TTYH1: variants seen among roughly 807,000 people sequenced by gnomAD.
The protein encoded by TTYH1 is protein tweety homolog 1.
Under a neutral mutation model 61.2 loss-of-function variants are expected in TTYH1, and 33 were observed. The observed-to-expected ratio is 0.54, with a 90% CI of 0.41 to 0.72. The LOEUF (loss-of-function observed/expected upper bound fraction) is 0.72, where lower values mean the gene tolerates loss of function less well. TTYH1 is among the 30% of genes least tolerant of loss of function. The probability of loss-of-function intolerance (pLI) is 0.00; values close to 1 mark genes in which losing one functional copy is unlikely to be tolerated. For missense variants in TTYH1, 538 were observed against 575.8 expected, an observed-to-expected ratio of 0.93 and a Z score of 0.67; for synonymous variants, 308 against 266.4, an observed-to-expected ratio of 1.16 and a Z score of -1.52.
At chr19:54,417,686 T>C (rs1351850960) in intron 1 of TTYH1, among the ~76,000 whole-genome samples, 1 of 150,806 alleles carries the variant, frequency 6.6e-6, no homozygotes, top group African/African-American at 2.4e-5. Context: ...TATACTCCCA[T>C]ACACACACAC....
chr19:54,431,048 ATGGGCGGGCC>A lies in TTYH1; in HGVS notation c.1033-48_1033-39del, dbSNP rs771760175. 3 of 1,499,708 alleles carry A rather than the reference ATGGGCGGGCC, an allele frequency of 2.0e-6. No individual in the cohort carries two copies. The African/African-American group carries it at 4.6e-5, about 23-fold the overall frequency. 92.9% of individuals were successfully genotyped at this position (1,499,708 alleles called of 1,614,324 possible). ...GGGGACGCAGGGCGGGGCCAGGGCGATGGGCGGGCCTGAAGAGTTCGTGGGAAAACGACCC... is the reference window on the plus strand; with the variant it reads ...GGGGACGCAGGGCGGGGCCAGGGCGATGAAGAGTTCGTGGGAAAACGACCC... On this transcript the variant is annotated intron_variant, in intron 9 of 13. Transcript: ENST00000376530.
chr19:54,423,928 C>T (rs936774715), intron 4 of TTYH1, among the ~76,000 whole-genome samples: 4 of 152,116 alleles, frequency 2.6e-5, no homozygotes, highest in Non-Finnish European at 5.9e-5. Context: ...TTTGGGAAGC[C>T]GAGGCAGGCG....
At position 54,436,398 on chromosome 19, in the gene TTYH1, T is replaced by C. The variant is rs373712429; in HGVS notation, c.*108T>C. 32 of 1,613,200 alleles carry C rather than the reference T, an allele frequency of 2.0e-5. No individual in the cohort carries two copies. Among genetic ancestry groups the C allele is most frequent in the Non-Finnish European group, 1.4e-5 (16 of 1,179,456 alleles). Reference sequence around the variant, plus strand: ...CTGCCTGGGCTCTGACCACTAACACTCTTGGCCATGGACAGCCTGCACAGG... The same window carrying C: ...CTGCCTGGGCTCTGACCACTAACACCCTTGGCCATGGACAGCCTGCACAGG... On this transcript the variant is annotated 3_prime_UTR_variant, in exon 14 of 14. Transcript: ENST00000376530. The surrounding 1 kb of genome is among the most constrained non-coding windows in gnomAD (Gnocchi z 4.3).
rs1447745856 is a variant in TTYH1, at chr19:54,415,545, C to T, written c.-8C>T. ...GCGTCCGCCCCGCTGCCCCCTCCCC[C>T]GGGGGCCATGGGGGCGCCCCCGGGC... is the stretch of plus-strand genomic sequence containing the variant. On this transcript the variant is annotated 5_prime_UTR_variant, in exon 1 of 14. Coordinates refer to ENST00000376530, the MANE Select transcript of TTYH1 (RefSeq NM_020659.4). The surrounding 1 kb of genome is among the most constrained non-coding windows in gnomAD (Gnocchi z 5.2). 8 of 1,462,106 alleles carry T rather than the reference C, an allele frequency of 5.5e-6. No individual in the cohort carries two copies. The highest frequency in any genetic ancestry group is 4.4e-5 in the African/African-American group (3 of 68,050). 90.6% of individuals were successfully genotyped at this position (1,462,106 alleles called of 1,614,324 possible). A position where few individuals can be genotyped will look rare whatever the true frequency, so the allele number is the denominator to read the frequency against.
chr19:54,417,518 T>G lies in TTYH1; in HGVS notation c.127-1610T>G, dbSNP rs1241442989. Among the ~76,000 whole-genome samples, 65 of 151,404 alleles carry G rather than the reference T, an allele frequency of 4.3e-4. 1 individual carries two copies. Among genetic ancestry groups the G allele is most frequent in the Admixed American group, 4.3e-3 (65 of 15,192 alleles). ...CATACACTCACATGGATATACCCAC[T>G]TACACATACACAATCACACATATGC... On this transcript the variant is annotated intron_variant, in intron 1 of 13. Transcript: ENST00000376530.
intron 1 of TTYH1, among the ~76,000 whole-genome samples, chr19:54,417,105 C>T (rs971210810): frequency 6.6e-6 from 1 of 152,108 alleles, no homozygotes; most frequent in Non-Finnish European, 1.5e-5. Context: ...CCGGGGGAGG[C>T]ACACAGCCAC....
Position 54,431,012 on chromosome 19 carries a change from G to A in TTYH1, c.1033-87G>A, listed in dbSNP as rs1883854544. On this transcript the variant is annotated intron_variant, in intron 9 of 13. Transcript: ENST00000376530. The stretch of plus-strand genomic sequence containing the variant: ...GGGCTGCAGAGCTAGGCGGGGCCTT[G>A]GGTTGTGGGCGGGGACGCAGGGCGG... The A allele has an allele frequency of 7.8e-6, 12 of 1,531,738 alleles. No individual in the cohort carries two copies. In the East Asian group the frequency reaches 2.3e-4, roughly 29 times the overall value. The allele number at this position is 1,531,738 out of a possible 1,614,324, so 94.9% of individuals were successfully genotyped here.
chr19:54,423,995 T>C (rs2083272130), intron 4 of TTYH1, among the ~76,000 whole-genome samples: 1 of 151,976 alleles, frequency 6.6e-6, no homozygotes, highest in African/African-American at 2.4e-5. Flanking sequence ...ATCCCGTCGC[T>C]ACTAAAAATA....
intron 10 of TTYH1, chr19:54,433,271 G>A (rs749499626): frequency 3.9e-5 from 6 of 152,244 alleles, no homozygotes; most frequent in Admixed American, 6.5e-5. Context: ...AAGAATAAGC[G>A]GCGGGGCCGG....
At chr19:54,428,148 G>A (rs192325604) in intron 5 of TTYH1, among the ~76,000 whole-genome samples, 3 of 138,970 alleles carry the variant, frequency 2.2e-5, no homozygotes, top group Non-Finnish European at 4.6e-5. Flanking sequence ...GGAGTTCAGC[G>A]GCGCGATCTT....
Position 54,434,337 on chromosome 19 carries a change from T to TA in TTYH1, c.1126-1201dup, listed in dbSNP as rs1460761829. On this transcript the variant is annotated intron_variant, in intron 10 of 13. Transcript: ENST00000376530. This position sits in a 1 kb window ranked among gnomAD's most constrained non-coding sequence, Gnocchi z 4.3. ...TCAGTGATTCCCCTCAGACATGGATTAAAATCCCTGTTCCTCGCCCTGACC... is the reference window on the plus strand; with the variant it reads ...TCAGTGATTCCCCTCAGACATGGATTAAAAATCCCTGTTCCTCGCCCTGACC... The TA allele has an allele frequency of 2.0e-5, 3 of 152,314 alleles. No homozygotes were observed. The highest frequency in any genetic ancestry group is 4.8e-5 in the African/African-American group (2 of 41,426). 9.4% of individuals were successfully genotyped at this position (152,314 alleles called of 1,614,324 possible). A position where few individuals can be genotyped will look rare whatever the true frequency, so the allele number is the denominator to read the frequency against.
At chr19:54,430,348 G>C (rs937547453) in intron 7 of TTYH1, among the ~76,000 whole-genome samples, 2 of 152,192 alleles carry the variant, frequency 1.3e-5, no homozygotes, top group African/African-American at 4.8e-5. Context: ...AGGGAGTATA[G>C]GGTTGCCCAC....
intron 1 of TTYH1, chr19:54,418,690 C>T (rs1250075358): frequency 1.2e-5 from 2 of 161,870 alleles, no homozygotes; most frequent in Non-Finnish European, 2.7e-5. Context: ...CTCCCCCAGC[C>T]TGGCCCGAGG....
At chr19:54,430,469 C>G (rs927778600) in intron 7 of TTYH1, 81 bp from the exon 8 acceptor site, 1 of 1,499,996 alleles carries the variant, frequency 6.7e-7, no homozygotes, top group African/African-American at 1.4e-5. Flanking sequence ...CCCTGCTAAC[C>G]CCCCAGTGCC....
rs1002052840 is a variant in TTYH1, at chr19:54,415,491, G to T, written c.-62G>T. ...CCAGACCCCGCGCCGCCCGCGCCCC[G>T]CTCGACTCCGGAGGCTCCCGCAGCC... On this transcript the variant is annotated 5_prime_UTR_variant, in exon 1 of 14. Coordinates refer to ENST00000376530, the MANE Select transcript of TTYH1 (RefSeq NM_020659.4). The surrounding 1 kb of genome is among the most constrained non-coding windows in gnomAD (Gnocchi z 5.2). 2 of 1,088,456 alleles carry T rather than the reference G, an allele frequency of 1.8e-6. No homozygotes were observed. Among genetic ancestry groups the T allele is most frequent in the African/African-American group, 1.8e-5 (1 of 56,036 alleles). 67.4% of individuals were successfully genotyped at this position (1,088,456 alleles called of 1,614,324 possible).
chr19:54,429,112 G>A lies in TTYH1; in HGVS notation c.735-195G>A, dbSNP rs943908463. On this transcript the variant is annotated intron_variant, in intron 5 of 13. Coordinates refer to ENST00000376530, the MANE Select transcript of TTYH1 (RefSeq NM_020659.4). This position sits in a 1 kb window ranked among gnomAD's most constrained non-coding sequence, Gnocchi z 5.1. ...CCCCACACCCTGCTCATCTGGGCAG[G>A]AGCCAGATGTCCAGCTGGACATCAG... Among the ~76,000 whole-genome samples, 1 of 152,096 alleles carries A rather than the reference G, an allele frequency of 6.6e-6. No individual in the cohort carries two copies. Among genetic ancestry groups the A allele is most frequent in the South Asian group, 2.1e-4 (1 of 4,822 alleles).
rs1038250118 is a variant in TTYH1, at chr19:54,421,748, G to T, written c.417+360G>T. ...CCCCCGCCCTGAGGCCCAGGTCCCC[G>T]ACTTGAGGCTTCAGCTCCGACATCA... On this transcript the variant is annotated intron_variant, in intron 3 of 13. Transcript: ENST00000376530. This position sits in a 1 kb window ranked among gnomAD's most constrained non-coding sequence, Gnocchi z 4.8. 6.6e-6 allele frequency among the ~76,000 whole-genome samples: 1 copy of T among 152,050 alleles called. No homozygotes were observed. Among genetic ancestry groups the T allele is most frequent in the Non-Finnish European group, 1.5e-5 (1 of 67,994 alleles).
Position 54,436,611 on chromosome 19 carries a change from C to T in TTYH1, c.*321C>T, listed in dbSNP as rs1039111019. ...CTGGGGGTGGGGGACATGAGTCCCC[C>T]TGCTGCCCCTGCCACATCCCAGTGG... On this transcript the variant is annotated 3_prime_UTR_variant, in exon 14 of 14. Coordinates refer to ENST00000376530, the MANE Select transcript of TTYH1 (RefSeq NM_020659.4). This position sits in a 1 kb window ranked among gnomAD's most constrained non-coding sequence, Gnocchi z 4.3. The T allele has an allele frequency of 3.4e-6, 2 of 583,468 alleles. No individual in the cohort carries two copies. The highest frequency in any genetic ancestry group is 2.8e-5 in the East Asian group (1 of 35,758). The allele number at this position is 583,468 out of a possible 1,614,324, so 36.1% of individuals were successfully genotyped here.
Position 54,436,120 on chromosome 19 carries a change from G to T in TTYH1, c.1344G>T (p.Ser448=). ...QESKRFVQWQ[S]SI The stretch of plus-strand genomic sequence containing the variant: ...CCAAGCGCTTTGTGCAGTGGCAGTC[G>T]TCTATCTGAGCCCCTCCTCCCGGCT... Residue 448 remains serine (S), a synonymous_variant, in exon 13 of 14, where the codon TCG becomes TCT. Transcript: ENST00000376530. This position sits in a 1 kb window ranked among gnomAD's most constrained non-coding sequence, Gnocchi z 4.3. 1.2e-6 allele frequency: 2 copies of T among 1,614,124 alleles called. No homozygotes were observed. The highest frequency in any genetic ancestry group is 1.7e-6 in the Non-Finnish European group (2 of 1,180,004).
Sources: gnomAD v4.1 joint callset for allele counts (sites outside exome capture counted in the v4.1 genomes callset) on GRCh38, gnomAD v4.1.1 for gene constraint, Gnocchi (gnomAD v3.1) non-coding constraint, MANE v1.5 for transcripts, NCBI Gene and HGNC (gene_info 2026-07-23, HGNC 2026-07-21) for gene names.